Variants in GLYATL2 observed in about 807,000 individuals in gnomAD.
GLYATL2 encodes glycine-N-acyltransferase like 2.
Under a neutral mutation model 21.4 loss-of-function variants are expected in GLYATL2, and 25 were observed. The observed-to-expected ratio is 1.17, with a 90% CI of 0.85 to 1.63. The LOEUF (loss-of-function observed/expected upper bound fraction) is 1.63. Ranked by LOEUF, GLYATL2 falls within the 40% of genes most tolerant of loss-of-function variation. The pLI, the probability that GLYATL2 is intolerant of heterozygous loss-of-function variation, is 0.00. For synonymous variants in GLYATL2, 114 were observed against 118.2 expected (o/e 0.96, Z 0.23); for missense variants, 361 against 343.3 (o/e 1.05, Z -0.41).
chr11:58,907,541 G>C, upstream of GLYATL2: 1 of 360,482 alleles, frequency 2.8e-6, no homozygotes, highest in South Asian at 2.1e-5. Flanking sequence ...ACTCCATTTT[G>C]GCCAGAAATT....
chr11:58,869,478 G>A (rs1238830956), intron 1 of GLYATL2, among the ~76,000 whole-genome samples: 2 of 152,090 alleles, frequency 1.3e-5, no homozygotes, highest in Non-Finnish European at 2.9e-5. Context: ...AGCCTTCACT[G>A]GTTTACCTAT....
upstream of GLYATL2, among the ~76,000 whole-genome samples, chr11:58,906,884 G>A (rs11826640): frequency 0.037 from 5,608 of 152,182 alleles, 358 homozygotes; most frequent in African/African-American, 0.13. Context: ...GGGGGTTGTG[G>A]GATGAGGCAG....
chr11:58,836,703 T>C (rs1322856373), intron 5 of GLYATL2, among the ~76,000 whole-genome samples: 1 of 152,180 alleles, frequency 6.6e-6, no homozygotes, highest in East Asian at 1.9e-4. Flanking sequence ...TACTTATGTA[T>C]TTTCTATAAG....
chr11:58,845,410 G>C (rs141059849), upstream of GLYATL2, among the ~76,000 whole-genome samples: 3 of 152,244 alleles, frequency 2.0e-5, no homozygotes, highest in African/African-American at 7.2e-5. Flanking sequence ...ATACAAGCCA[G>C]GGCGACCTAA....
chr11:58,907,399 G>T (rs1335828682), upstream of GLYATL2: 2 of 456,078 alleles, frequency 4.4e-6, no homozygotes, highest in Admixed American at 2.3e-5. Flanking sequence ...AATTTAGGAC[G>T]CATCTCAGTT....
chr11:58,846,275 G>A (rs371366365), upstream of GLYATL2, among the ~76,000 whole-genome samples: 1 of 152,020 alleles, frequency 6.6e-6, no homozygotes, highest in African/African-American at 2.4e-5. Context: ...AGCAAAGCAA[G>A]TGGCAGAATA....
At chr11:58,888,591 A>G (rs1854483515) in intron 1 of GLYATL2, among the ~76,000 whole-genome samples, 1 of 151,746 alleles carries the variant, frequency 6.6e-6, no homozygotes, top group African/African-American at 2.4e-5. Context: ...ATAAATCTCT[A>G]TTTTGTCATA....
chr11:58,899,595 A>G (rs568676640), intron 1 of GLYATL2, among the ~76,000 whole-genome samples: 1 of 152,172 alleles, frequency 6.6e-6, no homozygotes, highest in Non-Finnish European at 1.5e-5. Context: ...GGGCCTCCAC[A>G]AAAGACTGGC....
In GLYATL2 at chr11:58,834,512, G is replaced by C. The variant is rs1853390049; in HGVS notation, c.802C>G (p.Leu268Val). The C allele has an allele frequency of 6.2e-7, 1 of 1,613,556 alleles. No individual in the cohort carries two copies. Residue 268 changes from leucine to valine, a missense_variant, in exon 6 of 6, where the codon CTA becomes GTA. Transcript: ENST00000287275. Reference sequence around the variant, plus strand: ...AACCCCAAATTGTTCAGTGCCTGTAGGCTTTTCTCATTATTATCTGCCACA... The same window carrying C: ...AACCCCAAATTGTTCAGTGCCTGTACGCTTTTCTCATTATTATCTGCCACA... The part of the protein sequence containing the change: ...FHVADNNEKS[L>V]QALNNLGFKI...
At chr11:58,857,888 C>CAA (rs545952478) in intron 1 of GLYATL2, among the ~76,000 whole-genome samples, 122 of 108,426 alleles carry the variant, frequency 1.1e-3, no homozygotes, top group African/African-American at 4.1e-3. Context: ...TTTTCCCCTC[C>CAA]AAAAAAAAAA....
upstream of GLYATL2, chr11:58,908,458 G>T: frequency 5.3e-6 from 1 of 189,938 alleles, no homozygotes; most frequent in South Asian, 1.2e-4. Flanking sequence ...TATTGTCTTT[G>T]AACTCATCAT....
At chr11:58,882,476 A>G (rs1042330763) in intron 1 of GLYATL2, among the ~76,000 whole-genome samples, 40 of 151,904 alleles carry the variant, frequency 2.6e-4, no homozygotes, top group Admixed American at 2.4e-3. Flanking sequence ...TAGATTCTGG[A>G]TATTAGCCCT....
intron 1 of GLYATL2, among the ~76,000 whole-genome samples, chr11:58,886,604 T>A (rs1349679720): frequency 6.6e-6 from 1 of 152,236 alleles, no homozygotes; most frequent in African/African-American, 2.4e-5. Context: ...ACATAGCACA[T>A]AATTTTAAAT....
chr11:58,885,510 A>G lies in GLYATL2; in HGVS notation n.60+18646T>C, dbSNP rs981496940. 34 of 498,148 alleles carry G rather than the reference A, an allele frequency of 6.8e-5. No individual in the cohort carries two copies. The Middle Eastern group carries it at 2.7e-3, about 40-fold the overall frequency. The allele number at this position is 498,148 out of a possible 1,614,324, so 30.9% of individuals were successfully genotyped here. A position where few individuals can be genotyped will look rare whatever the true frequency, so the allele number is the denominator to read the frequency against. On this transcript the variant is annotated intron_variant and non_coding_transcript_variant, in intron 1 of 4. Coordinates refer to the GLYATL2 transcript ENST00000533636. ...GTGCTGGTGGACTCCTGGCCCGAGT[A>G]TCAGATAGTTATTATCCAACCACCA...
At position 58,844,041 on chromosome 11, in the gene GLYATL2, T is replaced by A. The variant is rs376810929; in HGVS notation, c.-41+393A>T. Among the ~76,000 whole-genome samples the A allele has an allele frequency of 4.6e-5, 7 of 152,182 alleles. No homozygotes were observed. The East Asian group carries it at 1.4e-3, about 29-fold the overall frequency. On this transcript the variant is annotated intron_variant, in intron 1 of 5. Coordinates refer to ENST00000287275, the MANE Select transcript of GLYATL2 (RefSeq NM_145016.4). ...CATGACACAGAAGGAAGAAGGAAGA[T>A]TTTTCTATGCAAATAAACCACTAAT... is the stretch of plus-strand genomic sequence containing the variant.
chr11:58,847,114 A>G (rs1853657861), upstream of GLYATL2, among the ~76,000 whole-genome samples: 1 of 152,114 alleles, frequency 6.6e-6, no homozygotes, highest in Admixed American at 6.6e-5. Flanking sequence ...TCTGCATTGA[A>G]AAAAAGGATC....
Position 58,875,250 on chromosome 11 carries a change from C to T in GLYATL2, n.60+28906G>A, listed in dbSNP as rs935699315. Among the ~76,000 whole-genome samples the T allele has an allele frequency of 8.2e-4, 125 of 152,260 alleles. 1 individual carries two copies. Among genetic ancestry groups the T allele is most frequent in the Middle Eastern group, 6.8e-3 (2 of 294 alleles). ...GGTCTTGACTCTTTATCCAATTTGC[C>T]AGTCTGTGCCTTTTAATTGGAGCAT... is the stretch of plus-strand genomic sequence containing the variant. On this transcript the variant is annotated intron_variant and non_coding_transcript_variant, in intron 1 of 4. Coordinates refer to the GLYATL2 transcript ENST00000533636.
chr11:58,890,301 C>T (rs1854518332), intron 1 of GLYATL2, among the ~76,000 whole-genome samples: 2 of 152,086 alleles, frequency 1.3e-5, no homozygotes, highest in Non-Finnish European at 2.9e-5. Flanking sequence ...CCATTTAACC[C>T]AGCAATGCCA....
chr11:58,838,395 G>T, intron 2 of GLYATL2, 27 bp from the exon 3 acceptor site: 1 of 1,421,822 alleles, frequency 7.0e-7, no homozygotes, highest in Non-Finnish European at 9.9e-7. Flanking sequence ...CAAAGCAGGA[G>T]AGGATGAAGT....
Sources: gnomAD v4.1 joint callset for allele counts (sites outside exome capture counted in the v4.1 genomes callset) on GRCh38, gnomAD v4.1.1 for gene constraint, MANE v1.5 for transcripts, NCBI Gene and HGNC (gene_info 2026-07-23, HGNC 2026-07-21) for gene names.